The following ARFIP1 variants were observed in gnomAD, a reference collection of about 807,000 sequenced individuals.
ARFIP1 encodes the protein arfaptin-1.
ARFIP1 carries 24 observed loss-of-function variants against 42.5 expected under a neutral mutation model. The observed-to-expected ratio is 0.57, with a 90% CI of 0.41 to 0.80. The LOEUF (loss-of-function observed/expected upper bound fraction) is 0.80, where lower values mean the gene tolerates loss of function less well. ARFIP1 is among the 30% of genes least tolerant of loss of function. The pLI, the probability that ARFIP1 is intolerant of heterozygous loss-of-function variation, is 0.00. For synonymous variants in ARFIP1, 141 were observed against 153.7 expected, an observed-to-expected ratio of 0.92 and a Z score of 0.61; for missense variants, 354 against 434.0, an observed-to-expected ratio of 0.82 and a Z score of 1.64.
At chr4:152,839,479 G>T (rs532793949) in intron 2 of ARFIP1, among the ~76,000 whole-genome samples, 31 of 152,218 alleles carry the variant, frequency 2.0e-4, no homozygotes, top group African/African-American at 4.6e-4. Flanking sequence ...TCTGCTCGGG[G>T]TATCAAATTC....
At chr4:152,852,287 T>G (rs914212930) in intron 2 of ARFIP1, among the ~76,000 whole-genome samples, 2 of 152,162 alleles carry the variant, frequency 1.3e-5, no homozygotes, top group Non-Finnish European at 2.9e-5. Flanking sequence ...AGCAGATACT[T>G]TATAAGTTGC....
chr4:152,903,682 C>G (rs1259783132), intron 8 of ARFIP1, among the ~76,000 whole-genome samples: 1 of 151,894 alleles, frequency 6.6e-6, no homozygotes, highest in Non-Finnish European at 1.5e-5. Context: ...AGAATTCAAT[C>G]CTAAAAAGAA....
intron 1 of ARFIP1, among the ~76,000 whole-genome samples, chr4:152,825,205 C>A (rs968472378): frequency 2.6e-5 from 4 of 151,924 alleles, no homozygotes; most frequent in African/African-American, 9.7e-5. Flanking sequence ...AAAAAAAAAT[C>A]CTAAAATTCA....
chr4:152,832,132 A>C (rs1181799140), intron 2 of ARFIP1, among the ~76,000 whole-genome samples: 2 of 152,190 alleles, frequency 1.3e-5, no homozygotes, highest in Non-Finnish European at 2.9e-5. Context: ...TATTGAGTAC[A>C]TACCCAAGAG....
chr4:152,827,407 T>C (rs550633800), intron 1 of ARFIP1, among the ~76,000 whole-genome samples: 1 of 152,296 alleles, frequency 6.6e-6, no homozygotes, highest in African/African-American at 2.4e-5. Flanking sequence ...TGACCCTACA[T>C]TGACACATCA....
intron 2 of ARFIP1, among the ~76,000 whole-genome samples, chr4:152,862,516 G>A (rs1382787379): frequency 1.3e-5 from 2 of 150,652 alleles, no homozygotes; most frequent in African/African-American, 4.9e-5. Context: ...CTCTATACTT[G>A]TACCAGTACA....
chr4:152,872,291 A>G (rs907931983), intron 4 of ARFIP1, among the ~76,000 whole-genome samples, 161 bp from the exon 5 acceptor site: 2 of 152,176 alleles, frequency 1.3e-5, no homozygotes, highest in Admixed American at 6.5e-5. Flanking sequence ...TTAGGAAACT[A>G]TCCTCAGCGA....
At chr4:152,898,935 A>G (rs1287411402) in intron 8 of ARFIP1, among the ~76,000 whole-genome samples, 1 of 152,166 alleles carries the variant, frequency 6.6e-6, no homozygotes, top group African/African-American at 2.4e-5. Flanking sequence ...ACAAATTTTG[A>G]TAAGGCTTTT....
In ARFIP1 at chr4:152,792,111, A is replaced by G. The variant is rs1384510396; in HGVS notation, c.-10+11885A>G. Among the ~76,000 whole-genome samples, 6 of 152,144 alleles carry G rather than the reference A, an allele frequency of 3.9e-5. No homozygotes were observed. The East Asian group carries it at 9.6e-4, about 24-fold the overall frequency. On this transcript the variant is annotated intron_variant, in intron 1 of 8. Transcript: ENST00000353617. ...TCTCTGGAATATCAAGTCTAAAGAA[A>G]CTAAGCAAAATCACTTTAAAACAAG...
chr4:152,894,499 T>C (rs984935724), intron 8 of ARFIP1, among the ~76,000 whole-genome samples: 1 of 152,206 alleles, frequency 6.6e-6, no homozygotes, highest in African/African-American at 2.4e-5. Flanking sequence ...TTTAAAAATA[T>C]TCATGCCAGT....
intron 8 of ARFIP1, among the ~76,000 whole-genome samples, chr4:152,895,314 C>G (rs1737216816): frequency 6.6e-6 from 1 of 152,170 alleles, no homozygotes; most frequent in South Asian, 2.1e-4. Context: ...GTAACACAGA[C>G]TGATGCATAA....
Position 152,905,879 on chromosome 4 carries a change from A to G in ARFIP1, c.967-4185A>G, listed in dbSNP as rs998521624. Reference sequence around the variant, plus strand: ...AGAATTCTTTATGTATTCTAGAATCAAGTTCTTTGATACCTGTTTTGCAAG... The same window carrying G: ...AGAATTCTTTATGTATTCTAGAATCGAGTTCTTTGATACCTGTTTTGCAAG... On this transcript the variant is annotated intron_variant, in intron 8 of 8. Transcript: ENST00000353617. 3.3e-5 allele frequency among the ~76,000 whole-genome samples: 5 copies of G among 152,194 alleles called. No individual in the cohort carries two copies. The East Asian group carries it at 9.6e-4, about 29-fold the overall frequency.
intron 2 of ARFIP1, among the ~76,000 whole-genome samples, chr4:152,843,302 C>G (rs1266721400): frequency 6.6e-6 from 1 of 152,160 alleles, no homozygotes; most frequent in African/African-American, 2.4e-5. Flanking sequence ...TGGATTCCAG[C>G]ACCTATTCCA....
At chr4:152,827,501 A>G (rs530284564) in intron 1 of ARFIP1, among the ~76,000 whole-genome samples, 14 of 152,284 alleles carry the variant, frequency 9.2e-5, no homozygotes, top group Admixed American at 7.8e-4. Context: ...AATGACATGT[A>G]TCCGCCACTG....
At position 152,849,273 on chromosome 4, in the gene ARFIP1, TG is replaced by T. The variant is rs575854702; in HGVS notation, c.94-14332del. On this transcript the variant is annotated intron_variant, in intron 2 of 8. Coordinates refer to ENST00000353617, the MANE Select transcript of ARFIP1 (RefSeq NM_001025595.3). ...TTATAAACAAAAGCTATTAGTAATA[TG>T]TTTTTTTTTATTTCTTGGAGGAATT... Among the ~76,000 whole-genome samples, 26 of 152,186 alleles carry T rather than the reference TG, an allele frequency of 1.7e-4. No homozygotes were observed. In the East Asian group the frequency reaches 4.2e-3, roughly 25 times the overall value.
chr4:152,888,956 A>C (rs1736497012), intron 8 of ARFIP1, among the ~76,000 whole-genome samples: 1 of 152,140 alleles, frequency 6.6e-6, no homozygotes, highest in East Asian at 1.9e-4. Flanking sequence ...TCAGCTTTGT[A>C]TGCAGGATTG....
chr4:152,819,287 G>A (rs1730163170), intron 1 of ARFIP1, among the ~76,000 whole-genome samples: 1 of 152,138 alleles, frequency 6.6e-6, no homozygotes, highest in African/African-American at 2.4e-5. Context: ...CTCAACTATT[G>A]CCATCGCCTG....
At chr4:152,852,255 A>T (rs1733050059) in intron 2 of ARFIP1, among the ~76,000 whole-genome samples, 1 of 152,176 alleles carries the variant, frequency 6.6e-6, no homozygotes, top group Non-Finnish European at 1.5e-5. Context: ...TATAGTCTGG[A>T]AAATATAGGA....
chr4:152,783,703 A>G (rs892712219), intron 1 of ARFIP1, among the ~76,000 whole-genome samples: 1 of 152,168 alleles, frequency 6.6e-6, no homozygotes, highest in Non-Finnish European at 1.5e-5. Flanking sequence ...GTGTTGAGAA[A>G]AGGTTGTTTC....
Sources: gnomAD v4.1 joint callset for allele counts (sites outside exome capture counted in the v4.1 genomes callset) on GRCh38, gnomAD v4.1.1 for gene constraint, MANE v1.5 for transcripts, NCBI Gene and HGNC (gene_info 2026-07-23, HGNC 2026-07-21) for gene names.